Variants in FAM227B observed in about 807,000 individuals in gnomAD.
FAM227B encodes protein FAM227B.
FAM227B carries 88 observed loss-of-function variants against 73.8 expected under a neutral mutation model. The observed-to-expected ratio is 1.19, with a 90% CI of 1.00 to 1.42. FAM227B has a LOEUF of 1.42. Ranked by LOEUF, FAM227B falls within the 40% of genes most tolerant of loss-of-function variation. The pLI, the probability that FAM227B is intolerant of heterozygous loss-of-function variation, is 0.00. For missense variants in FAM227B, 632 were observed against 590.9 expected (o/e 1.07, Z -0.72); for synonymous variants, 210 against 190.5 (o/e 1.10, Z -0.84).
intron 11 of FAM227B, among the ~76,000 whole-genome samples, chr15:49,502,993 C>T (rs2058267169): frequency 6.6e-6 from 1 of 152,186 alleles, no homozygotes; most frequent in East Asian, 1.9e-4. Flanking sequence ...AAGAACAAAG[C>T]TGGAGGCATC....
intron 9 of FAM227B, among the ~76,000 whole-genome samples, chr15:49,556,426 G>A (rs905675327): frequency 6.6e-6 from 1 of 152,160 alleles, no homozygotes; most frequent in African/African-American, 2.4e-5. Context: ...GCCCCTTGAG[G>A]TTAGAAATCT....
At chr15:49,559,639 G>A (rs1222809930) in intron 9 of FAM227B, among the ~76,000 whole-genome samples, 1 of 152,000 alleles carries the variant, frequency 6.6e-6, no homozygotes, top group Non-Finnish European at 1.5e-5. Context: ...ACTAGCATAA[G>A]AATTCTGACA....
At chr15:49,525,971 C>G (rs1040401553) in intron 10 of FAM227B, among the ~76,000 whole-genome samples, 5 of 151,682 alleles carry the variant, frequency 3.3e-5, no homozygotes, top group Non-Finnish European at 5.9e-5. Context: ...CTTCAACACC[C>G]CACTGACAGA....
At chr15:49,464,624 G>T (rs931831433) in intron 11 of FAM227B, among the ~76,000 whole-genome samples, 2 of 152,134 alleles carry the variant, frequency 1.3e-5, no homozygotes, top group East Asian at 3.8e-4. Flanking sequence ...ACTGAATAAT[G>T]ATTTTCTTGC....
chr15:49,364,445 G>C (rs1253184250), intron 13 of FAM227B, among the ~76,000 whole-genome samples: 2 of 151,812 alleles, frequency 1.3e-5, no homozygotes, highest in East Asian at 3.9e-4. Context: ...ATTTCTGTGG[G>C]GTTGGTGGCA....
rs145381133 is a variant in FAM227B at position 49,451,477 on chromosome 15, G to T, written c.1012+56734C>A. 3.0e-4 allele frequency among the ~76,000 whole-genome samples: 45 copies of T among 152,088 alleles called. No homozygotes were observed. The East Asian group carries it at 8.5e-3, about 29-fold the overall frequency. On this transcript the variant is annotated intron_variant, in intron 11 of 15. Coordinates refer to ENST00000299338, the MANE Select transcript of FAM227B (RefSeq NM_152647.3). The stretch of plus-strand genomic sequence containing the variant: ...TATATATGTTTGCTTAAATCTATAT[G>T]TATATATAGATTATAACATCAACAA...
chr15:49,354,253 C>T (rs1226653060), intron 13 of FAM227B, among the ~76,000 whole-genome samples: 2 of 152,138 alleles, frequency 1.3e-5, no homozygotes, highest in African/African-American at 4.8e-5. Context: ...CCAAGATGGC[C>T]GAATAGGAAC....
At chr15:49,620,179 T>G (rs150674928) in intron 1 of FAM227B, 1 of 152,314 alleles carries the variant, frequency 6.6e-6, no homozygotes, top group East Asian at 1.9e-4. Context: ...ATTCTCAGCT[T>G]TCTTGAAATT....
At chr15:49,575,799 T>G (rs1439584971) in intron 7 of FAM227B, among the ~76,000 whole-genome samples, 1 of 152,168 alleles carries the variant, frequency 6.6e-6, no homozygotes, top group African/African-American at 2.4e-5. Context: ...CCTGAGCCTG[T>G]GTAGTATTCT....
At chr15:49,544,978 G>C (rs1414128102) in intron 9 of FAM227B, among the ~76,000 whole-genome samples, 1 of 151,966 alleles carries the variant, frequency 6.6e-6, no homozygotes, top group Non-Finnish European at 1.5e-5. Flanking sequence ...TTTTTGTTAT[G>C]TTCTTTCCTG....
intron 11 of FAM227B, among the ~76,000 whole-genome samples, chr15:49,477,117 C>T (rs2055412252): frequency 6.6e-6 from 1 of 151,900 alleles, no homozygotes; most frequent in African/African-American, 2.4e-5. Context: ...CTCCATTTCC[C>T]CCCACAGTTC....
intron 11 of FAM227B, among the ~76,000 whole-genome samples, chr15:49,474,812 T>C (rs937139735): frequency 1.3e-5 from 2 of 152,090 alleles, no homozygotes; most frequent in African/African-American, 4.8e-5. Flanking sequence ...GGGATCTAGG[T>C]TGCGTGCTCC....
intron 9 of FAM227B, among the ~76,000 whole-genome samples, chr15:49,545,334 C>T (rs910468088): frequency 6.6e-6 from 1 of 152,034 alleles, no homozygotes; most frequent in Non-Finnish European, 1.5e-5. Flanking sequence ...TCTGTGGTAT[C>T]GGTTGTAATG....
At chr15:49,339,425 C>G (rs998593045) in intron 13 of FAM227B, among the ~76,000 whole-genome samples, 2 of 152,134 alleles carry the variant, frequency 1.3e-5, no homozygotes, top group African/African-American at 4.8e-5. Context: ...CGCCCCAGAC[C>G]CTGTTTGCCT....
chr15:49,577,003 A>T (rs904098086), intron 6 of FAM227B, among the ~76,000 whole-genome samples, 158 bp from the exon 7 acceptor site: 1 of 152,210 alleles, frequency 6.6e-6, no homozygotes, highest in Non-Finnish European at 1.5e-5. Flanking sequence ...AACCCATCTA[A>T]GAAAAACCTT....
chr15:49,336,665 A>T (rs1050335023), intron 13 of FAM227B, among the ~76,000 whole-genome samples: 2 of 152,160 alleles, frequency 1.3e-5, no homozygotes, highest in East Asian at 1.9e-4. Flanking sequence ...TTATTTAAAT[A>T]ATTTATTTAT....
intron 10 of FAM227B, among the ~76,000 whole-genome samples, chr15:49,522,188 G>A (rs183820987): frequency 1.1e-4 from 16 of 152,252 alleles, no homozygotes; most frequent in South Asian, 4.1e-4. Context: ...CAAGGAACCC[G>A]TAACAGTGTC....
At chr15:49,370,529 G>C (rs2045738229) in intron 12 of FAM227B, among the ~76,000 whole-genome samples, 1 of 152,150 alleles carries the variant, frequency 6.6e-6, no homozygotes, top group South Asian at 2.1e-4. Context: ...GTGAAGGTCA[G>C]AATAAAGTAG....
intron 2 of FAM227B, among the ~76,000 whole-genome samples, chr15:49,613,197 TA>T (rs1192694812): frequency 2.6e-5 from 4 of 151,740 alleles, no homozygotes; most frequent in African/African-American, 7.3e-5. Context: ...TAAAAAATTT[TA>T]AAAAAAGGTA....
Sources: gnomAD v4.1 joint callset for allele counts (sites outside exome capture counted in the v4.1 genomes callset) on GRCh38, gnomAD v4.1.1 for gene constraint, MANE v1.5 for transcripts, NCBI Gene and HGNC (gene_info 2026-07-23, HGNC 2026-07-21) for gene names.